ADGRB1: variants seen among roughly 807,000 people sequenced by gnomAD.
The protein encoded by ADGRB1 is adhesion G protein-coupled receptor B1.
In ADGRB1, 36 loss-of-function variants were observed where a neutral mutation model predicts 175.7. That is an observed-to-expected ratio of 0.20 (90% CI 0.16 to 0.27). ADGRB1 has a LOEUF of 0.27. ADGRB1 is among the 10% of genes least tolerant of loss of function. The probability of loss-of-function intolerance (pLI) is 1.00; values close to 1 mark genes in which losing one functional copy is unlikely to be tolerated. For missense variants in ADGRB1, 1,731 were observed against 2,255.3 expected (o/e 0.77, Z 4.71); for synonymous variants, 1,054 against 979.4 (o/e 1.08, Z -1.42).
chr8:142,465,923 T>C (rs1247938691), intron 2 of ADGRB1, among the ~76,000 whole-genome samples: 1 of 152,146 alleles, frequency 6.6e-6, no homozygotes, highest in Non-Finnish European at 1.5e-5. Flanking sequence ...GGACACTGGC[T>C]TTTCCTGCTC....
intron 18 of ADGRB1, among the ~76,000 whole-genome samples, chr8:142,513,784 G>A (rs1163813471): frequency 6.6e-6 from 1 of 152,146 alleles, no homozygotes; most frequent in Non-Finnish European, 1.5e-5. Context: ...GGGGTGAGTA[G>A]CAGCCATTGC....
At chr8:142,517,758 C>T (rs1386445836) in intron 18 of ADGRB1, among the ~76,000 whole-genome samples, 1 of 152,124 alleles carries the variant, frequency 6.6e-6, no homozygotes, top group Non-Finnish European at 1.5e-5. Context: ...CCCAAGAGGA[C>T]TGTGCGTGTG....
At chr8:142,453,290 C>A (rs1316615575) in intron 1 of ADGRB1, among the ~76,000 whole-genome samples, 1 of 152,202 alleles carries the variant, frequency 6.6e-6, no homozygotes, top group Non-Finnish European at 1.5e-5. Flanking sequence ...GCGGGTCTCG[C>A]GCCGGTGTGG....
chr8:142,535,529 T>C (rs1243981542), intron 25 of ADGRB1, among the ~76,000 whole-genome samples: 1 of 152,106 alleles, frequency 6.6e-6, no homozygotes, highest in East Asian at 1.9e-4. Context: ...GTCCTCAGCC[T>C]CGGGGGTGGT....
intron 25 of ADGRB1, 112 bp from the exon 26 acceptor site, chr8:142,536,874 GC>G: frequency 1.2e-6 from 1 of 861,638 alleles, no homozygotes. Context: ...CTGCTGACCA[GC>G]CCTGCCCTTC....
In ADGRB1 at chr8:142,479,329, G is replaced by A; in HGVS notation, c.1568G>A (p.Gly523Asp). Reference sequence around the variant, plus strand: ...GTCTGGCCACGCCCCGCAGTGGATGGCAAGTGGCAGGCCTGGGCGTCATGG... The same window carrying A: ...GTCTGGCCACGCCCCGCAGTGGATGACAAGTGGCAGGCCTGGGCGTCATGG... The part of the protein sequence containing the change: ...DCFLQQCPVD[G>D]KWQAWASWGS... Residue 523 changes from glycine to aspartate, a missense_variant, in exon 8 of 31, where the codon GGC becomes GAC. Physicochemically the swap from Gly to Asp is moderately conservative, Grantham distance 94. Transcript: ENST00000517894. 2 of 1,510,386 alleles carry A rather than the reference G, an allele frequency of 1.3e-6. No individual in the cohort carries two copies. Among genetic ancestry groups the A allele is most frequent in the East Asian group, 2.4e-5 (1 of 41,960 alleles). 93.6% of individuals were successfully genotyped at this position (1,510,386 alleles called of 1,614,324 possible). A position where few individuals can be genotyped will look rare whatever the true frequency, so the allele number is the denominator to read the frequency against.
intron 2 of ADGRB1, among the ~76,000 whole-genome samples, chr8:142,468,893 G>A (rs1840427391): frequency 6.6e-6 from 1 of 152,264 alleles, no homozygotes; most frequent in Non-Finnish European, 1.5e-5. Context: ...AGGCCAGGAT[G>A]TAAGCAGCAC....
chr8:142,524,446 G>T, intron 23 of ADGRB1, 142 bp downstream of exon 23: 2 of 977,184 alleles, frequency 2.0e-6, no homozygotes, highest in Non-Finnish European at 3.0e-6. Flanking sequence ...TCACCAGGGG[G>T]TGGGGGTGCC....
intron 23 of ADGRB1, among the ~76,000 whole-genome samples, chr8:142,526,023 G>A (rs1844159103): frequency 6.6e-6 from 1 of 152,206 alleles, no homozygotes; most frequent in Non-Finnish European, 1.5e-5. Flanking sequence ...TGGCAGGCAT[G>A]GGAGACTTAT....
chr8:142,530,841 G>A (rs1844582838), intron 24 of ADGRB1, among the ~76,000 whole-genome samples: 1 of 152,224 alleles, frequency 6.6e-6, no homozygotes, highest in Non-Finnish European at 1.5e-5. Context: ...CCAGACAGGA[G>A]CAGGCGCGGT....
rs769921701 is a variant in ADGRB1, at chr8:142,542,091, T to C, written c.3857T>C (p.Leu1286Pro). The C allele has an allele frequency of 6.2e-7, 1 of 1,613,288 alleles. No homozygotes were observed. The highest frequency in any genetic ancestry group is 8.5e-7 in the Non-Finnish European group (1 of 1,179,804). Reference sequence around the variant, plus strand: ...AGCCTGCCGGCCAACGTGTCCAAGCTGCACCTGCACGGCTCACCCCGCTAT... The same window carrying C: ...AGCCTGCCGGCCAACGTGTCCAAGCCGCACCTGCACGGCTCACCCCGCTAT... The part of the protein sequence containing the change: ...FNSLPANVSK[L>P]HLHGSPRYPG... Residue 1286 changes from leucine (L) to proline (P), a missense_variant, in exon 28 of 31, where the codon CTG becomes CCG. Transcript: ENST00000517894. The surrounding 1 kb of genome is among the most constrained non-coding windows in gnomAD (Gnocchi z 6.3).
intron 26 of ADGRB1, among the ~76,000 whole-genome samples, chr8:142,538,357 G>A (rs555054667): frequency 2.0e-5 from 3 of 152,290 alleles, no homozygotes; most frequent in African/African-American, 4.8e-5. Context: ...AGTGAGAGAC[G>A]GCCACTTCGG....
chr8:142,539,245 G>T (rs373830140), intron 26 of ADGRB1, 129 bp from the exon 27 acceptor site: 2 of 923,002 alleles, frequency 2.2e-6, no homozygotes, highest in East Asian at 2.7e-5. Context: ...GGGGCACTGG[G>T]CTGTGGACAT....
intron 2 of ADGRB1, among the ~76,000 whole-genome samples, chr8:142,469,615 G>A (rs535021047): frequency 1.1e-3 from 143 of 133,294 alleles, no homozygotes; most frequent in Middle Eastern, 4.0e-3. Context: ...GCATGTGTGT[G>A]TATGCACGTG....
Position 142,489,688 on chromosome 8 carries a change from C to T in ADGRB1, c.2631+250C>T, listed in dbSNP as rs552817450. 3.6e-3 allele frequency among the ~76,000 whole-genome samples: 550 copies of T among 151,920 alleles called. 9 individuals carry two copies. Among genetic ancestry groups the T allele is most frequent in the Non-Finnish European group, 4.2e-3 (289 of 68,020 alleles). ...ACTCCCCACCTGGGCTCCAACCACTCTGCCCTCCAGCCCCCATTGGCCTGG... is the reference window on the plus strand; with the variant it reads ...ACTCCCCACCTGGGCTCCAACCACTTTGCCCTCCAGCCCCCATTGGCCTGG... On this transcript the variant is annotated intron_variant, in intron 16 of 30. Transcript: ENST00000517894.
rs530570398 is a variant in ADGRB1, at chr8:142,543,899, C to T, written c.4557+191C>T. 3.3e-5 allele frequency among the ~76,000 whole-genome samples: 5 copies of T among 152,292 alleles called. No individual in the cohort carries two copies. The East Asian group carries it at 7.7e-4, about 24-fold the overall frequency. ...CCAGACTCTGGAGGCCATGGCCATA[C>T]TGGGAGCTGAGCGGTCACGAGCCTG... On this transcript the variant is annotated intron_variant, in intron 30 of 30. Coordinates refer to ENST00000517894, the MANE Select transcript of ADGRB1 (RefSeq NM_001702.3). This position sits in a 1 kb window ranked among gnomAD's most constrained non-coding sequence, Gnocchi z 4.4.
chr8:142,484,911 T>C (rs1208839856), intron 13 of ADGRB1, 147 bp downstream of exon 13: 2 of 653,312 alleles, frequency 3.1e-6, no homozygotes, highest in Non-Finnish European at 5.3e-6. Context: ...AGATGGGTCC[T>C]GTTTTCAGTC....
chr8:142,489,580 G>T, intron 16 of ADGRB1, 142 bp downstream of exon 16: 1 of 953,560 alleles, frequency 1.0e-6, no homozygotes, highest in East Asian at 2.6e-5. Context: ...CTGGATTACA[G>T]GTGGGGAAAC....
chr8:142,458,954 A>G (rs185901526), intron 1 of ADGRB1, among the ~76,000 whole-genome samples: 4 of 152,336 alleles, frequency 2.6e-5, no homozygotes, highest in African/African-American at 9.6e-5. Flanking sequence ...ACTTCTCTGC[A>G]AGAGAGTTGG....
Sources: allele counts gnomAD v4.1 joint callset (sites outside exome capture counted in the v4.1 genomes callset), GRCh38; gene constraint gnomAD v4.1.1; non-coding constraint Gnocchi (gnomAD v3.1); transcripts MANE v1.5; gene names NCBI Gene and HGNC (gene_info 2026-07-23, HGNC 2026-07-21).